CFAP96: variants seen among roughly 807,000 people sequenced by gnomAD.
The protein encoded by CFAP96 is cilia and flagella associated protein 96.
the CFAP96 span, among the ~76,000 whole-genome samples, chr4:185,433,467 T>C: frequency 6.6e-6 from 1 of 151,996 alleles, no homozygotes; most frequent in Non-Finnish European, 1.5e-5. Context: ...CTCAGTTTAT[T>C]AATTTGATAG....
chr4:185,447,927 T>A, the CFAP96 span, among the ~76,000 whole-genome samples: 3 of 152,236 alleles, frequency 2.0e-5, no homozygotes, highest in Non-Finnish European at 4.4e-5. Context: ...CCTTCTTAGC[T>A]GCAATAATTA....
At chr4:185,441,658 TTTTAA>T in the CFAP96 span, among the ~76,000 whole-genome samples, 658 of 151,514 alleles carry the variant, frequency 4.3e-3, 3 homozygotes, top group African/African-American at 0.015. Context: ...ATTTAATTTC[TTTTAA>T]TTAATTTTTA....
At chr4:185,409,111 G>A in the CFAP96 span, among the ~76,000 whole-genome samples, 1 of 152,068 alleles carries the variant, frequency 6.6e-6, no homozygotes, top group Non-Finnish European at 1.5e-5. Flanking sequence ...AAATGCTGCT[G>A]AATAAATGCT....
At chr4:185,418,346 TG>T in the CFAP96 span, 2 of 956,970 alleles carry the variant, frequency 2.1e-6, no homozygotes, top group Non-Finnish European at 3.1e-6. Flanking sequence ...TTCTGACCTA[TG>T]ATAAGAGGGT....
At chr4:185,422,361 ACTTACTAACAATATAAT>A in the CFAP96 span, 1 of 740,484 alleles carries the variant, frequency 1.4e-6, no homozygotes, top group Non-Finnish European at 2.3e-6. Context: ...CATTTAATGT[ACTTACTAACAATATAAT>A]CTTAGTTCAT....
At chr4:185,427,392 T>G in the CFAP96 span, among the ~76,000 whole-genome samples, 2 of 152,238 alleles carry the variant, frequency 1.3e-5, no homozygotes, top group African/African-American at 4.8e-5. Flanking sequence ...TGTTACGTAT[T>G]AGCAATGATT....
chr4:185,428,565 A>C, the CFAP96 span, among the ~76,000 whole-genome samples: 1 of 40,750 alleles, frequency 2.5e-5, no homozygotes, highest in Non-Finnish European at 4.7e-5. Context: ...CTAAAAAAAA[A>C]AAAAACAACA....
the CFAP96 span, among the ~76,000 whole-genome samples, chr4:185,427,588 C>A: frequency 6.6e-6 from 1 of 150,880 alleles, no homozygotes; most frequent in Admixed American, 6.6e-5. Context: ...GGTGAAACCC[C>A]GTTTCTACTA....
chr4:185,433,252 A>C, the CFAP96 span, among the ~76,000 whole-genome samples: 1 of 151,704 alleles, frequency 6.6e-6, no homozygotes, highest in South Asian at 2.1e-4. Flanking sequence ...AAAATTAGCC[A>C]GGCATGGTGG....
the CFAP96 span, among the ~76,000 whole-genome samples, chr4:185,410,002 C>T: frequency 2.6e-5 from 4 of 152,130 alleles, no homozygotes; most frequent in African/African-American, 9.7e-5. Flanking sequence ...AACTCCAGAA[C>T]TGAGACAATA....
chr4:185,443,342 A>ATATATATTTT, the CFAP96 span, among the ~76,000 whole-genome samples: 586 of 26,660 alleles, frequency 0.022, 27 homozygotes, highest in Non-Finnish European at 0.031. Context: ...ATATATATAT[A>ATATATATTTT]TTTTTTTTTT....
At chr4:185,448,009 A>C in the CFAP96 span, among the ~76,000 whole-genome samples, 1 of 152,056 alleles carries the variant, frequency 6.6e-6, no homozygotes, top group Non-Finnish European at 1.5e-5. Context: ...CAGGTTTTGG[A>C]AATACGTTTT....
At chr4:185,409,686 C>T in the CFAP96 span, among the ~76,000 whole-genome samples, 2 of 152,078 alleles carry the variant, frequency 1.3e-5, no homozygotes. Flanking sequence ...GTGAATGCAC[C>T]CTCTGTGCCA....
the CFAP96 span, among the ~76,000 whole-genome samples, chr4:185,413,349 T>C: frequency 7.2e-5 from 11 of 152,056 alleles, no homozygotes; most frequent in African/African-American, 2.2e-4. Flanking sequence ...GATCACACCA[T>C]TGCACTACAG....
At chr4:185,424,492 A>T in the CFAP96 span, among the ~76,000 whole-genome samples, 4 of 152,322 alleles carry the variant, frequency 2.6e-5, no homozygotes, top group South Asian at 8.3e-4. Context: ...CTTTTGAAAG[A>T]TCATATACCC....
chr4:185,442,227 C>G, the CFAP96 span, among the ~76,000 whole-genome samples: 2 of 151,858 alleles, frequency 1.3e-5, no homozygotes, highest in African/African-American at 4.8e-5. Context: ...TTCTAAAGTT[C>G]CAAAAAGGGA....
At chr4:185,431,638 C>T in the CFAP96 span, among the ~76,000 whole-genome samples, 1 of 152,222 alleles carries the variant, frequency 6.6e-6, no homozygotes, top group Non-Finnish European at 1.5e-5. Context: ...ACTGACATCT[C>T]ACACATGACC....
chr4:185,420,034 T>C, the CFAP96 span, among the ~76,000 whole-genome samples: 1 of 152,246 alleles, frequency 6.6e-6, no homozygotes, highest in Non-Finnish European at 1.5e-5. Flanking sequence ...ATCAGTAATC[T>C]ATAAGGATTC....
At chr4:185,447,501 A>G in the CFAP96 span, among the ~76,000 whole-genome samples, 1 of 152,120 alleles carries the variant, frequency 6.6e-6, no homozygotes, top group African/African-American at 2.4e-5. Context: ...TTTTCAAAAC[A>G]TTTATCTCAA....
Sources: gnomAD v4.1 joint callset for allele counts (sites outside exome capture counted in the v4.1 genomes callset) on GRCh38, gnomAD v4.1.1 for gene constraint, MANE v1.5 for transcripts, NCBI Gene and HGNC (gene_info 2026-07-23, HGNC 2026-07-21) for gene names.